The following GORAB variants were observed in gnomAD, a reference collection of about 807,000 sequenced individuals.
The protein encoded by GORAB is golgin, RAB6 interacting, also known as RAB6-interacting golgin.
Under a neutral mutation model 29.9 loss-of-function variants are expected in GORAB, and 17 were observed. That is an observed-to-expected ratio of 0.57 (90% CI 0.39 to 0.85). The LOEUF (loss-of-function observed/expected upper bound fraction) is 0.85. Among genes scored for constraint, GORAB ranks in the 40% least tolerant of loss-of-function variants. The probability of loss-of-function intolerance (pLI) is 0.00; values close to 1 mark genes in which losing one functional copy is unlikely to be tolerated. For synonymous variants in GORAB, 183 were observed against 157.2 expected (o/e 1.16, Z -1.23); for missense variants, 442 against 437.8 (o/e 1.01, Z -0.09).
intron 4 of GORAB, among the ~76,000 whole-genome samples, chr1:170,546,818 C>T (rs527827862): frequency 6.6e-6 from 1 of 151,930 alleles, no homozygotes; most frequent in South Asian, 2.1e-4. Flanking sequence ...CTGAGTAGCC[C>T]AACTATAGGT....
chr1:170,544,583 TCTAA>T (rs1161131134), intron 3 of GORAB, 118 bp from the exon 4 acceptor site: 2 of 692,266 alleles, frequency 2.9e-6, no homozygotes, highest in African/African-American at 1.8e-5. Context: ...CTGATTTTTT[TCTAA>T]CTTTTAAAAT....
At chr1:170,551,245 A>G (rs1340136948) in intron 4 of GORAB, among the ~76,000 whole-genome samples, 1 of 152,220 alleles carries the variant, frequency 6.6e-6, no homozygotes, top group Non-Finnish European at 1.5e-5. Flanking sequence ...GATGCTGTTT[A>G]GCATCTTGCA....
chr1:170,533,473 G>T (rs1373190919), intron 1 of GORAB: 2 of 426,136 alleles, frequency 4.7e-6, no homozygotes, highest in Non-Finnish European at 9.8e-6. Context: ...GGGTACAAGT[G>T]CCCTGGCCTC....
In GORAB at chr1:170,539,407, A is replaced by G. The variant is rs770637285; in HGVS notation, c.259A>G (p.Ser87Gly). 5 of 1,614,120 alleles carry G rather than the reference A, an allele frequency of 3.1e-6. No homozygotes were observed. Among genetic ancestry groups the G allele is most frequent in the Admixed American group, 1.7e-5 (1 of 60,014 alleles). The part of the protein sequence containing the change: ...KPPFSSPTLP[S>G]HFTLTSPVGD... The stretch of plus-strand genomic sequence containing the variant: ...ACCTTTTTCTTCCCCTACTCTTCCG[A>G]GTCATTTCACTCTCACCTCCCCCGT... Residue 87 changes from serine (S) to glycine (G), a missense_variant, in exon 2 of 5, where the codon AGT becomes GGT. Coordinates refer to ENST00000367763, the MANE Select transcript of GORAB (RefSeq NM_152281.3).
intron 1 of GORAB, 161 bp downstream of exon 1, chr1:170,532,445 T>TA (rs1648750173): frequency 1.3e-6 from 1 of 762,106 alleles, no homozygotes; most frequent in African/African-American, 1.7e-5. Flanking sequence ...GAGGAGGACT[T>TA]ACTGGGAGTC....
intron 1 of GORAB, among the ~76,000 whole-genome samples, chr1:170,536,988 A>G (rs1649102680): frequency 6.6e-6 from 1 of 152,176 alleles, no homozygotes; most frequent in Non-Finnish European, 1.5e-5. Flanking sequence ...ATATATCACA[A>G]ACTGGTAGCC....
intron 4 of GORAB, among the ~76,000 whole-genome samples, chr1:170,550,710 T>G (rs1471094155): frequency 6.6e-6 from 1 of 152,218 alleles, no homozygotes; most frequent in Non-Finnish European, 1.5e-5. Flanking sequence ...GCTATAACTC[T>G]TGTACTAGAA....
chr1:170,546,975 A>T (rs1649803458), intron 4 of GORAB, among the ~76,000 whole-genome samples: 1 of 152,116 alleles, frequency 6.6e-6, no homozygotes, highest in Admixed American at 6.6e-5. Flanking sequence ...GTGAGCCACC[A>T]CGCCTGGCCA....
At position 170,553,320 on chromosome 1, in the gene GORAB, C is replaced by T. The variant is rs1349524262; in HGVS notation, c.*858C>T. The T allele has an allele frequency of 6.6e-6, 3 of 452,528 alleles. No homozygotes were observed. In the Admixed American group the frequency reaches 7.1e-5, roughly 11 times the overall value. 28.0% of individuals were successfully genotyped at this position (452,528 alleles called of 1,614,324 possible). On this transcript the variant is annotated 3_prime_UTR_variant, in exon 5 of 5. Coordinates refer to ENST00000367763, the MANE Select transcript of GORAB (RefSeq NM_152281.3). ...ATATGTTGGACATGAATTACCCTGT[C>T]ATGAAGCGTTTAAATTGTTAAAATG...
chr1:170,548,879 A>G (rs892072492), intron 4 of GORAB, among the ~76,000 whole-genome samples: 1 of 152,204 alleles, frequency 6.6e-6, no homozygotes, highest in African/African-American at 2.4e-5. Context: ...CCTCTCTGGT[A>G]ATTGCAAAAT....
At chr1:170,540,892 C>G (rs1019242021) in intron 2 of GORAB, among the ~76,000 whole-genome samples, 5 of 152,078 alleles carry the variant, frequency 3.3e-5, no homozygotes, top group Non-Finnish European at 7.4e-5. Flanking sequence ...AGCCAGAGAA[C>G]AGTAGAGAAT....
intron 1 of GORAB, among the ~76,000 whole-genome samples, chr1:170,536,957 C>T (rs982283078): frequency 2.0e-5 from 3 of 152,108 alleles, no homozygotes; most frequent in Non-Finnish European, 4.4e-5. Flanking sequence ...GGGAGCAGGG[C>T]TTAAATAAAG....
At chr1:170,532,692 G>A in intron 1 of GORAB, 1 of 193,848 alleles carries the variant, frequency 5.2e-6, no homozygotes, top group Non-Finnish European at 1.1e-5. Flanking sequence ...TGAATTTATA[G>A]AAGCAGATGG....
intron 4 of GORAB, among the ~76,000 whole-genome samples, chr1:170,546,103 A>G (rs1018868576): frequency 6.6e-6 from 1 of 152,142 alleles, no homozygotes; most frequent in Admixed American, 6.6e-5. Flanking sequence ...CTCAGTTGAA[A>G]TTTGAGGCCG....
chr1:170,533,848 C>A (rs975536048), intron 1 of GORAB, among the ~76,000 whole-genome samples: 1 of 152,074 alleles, frequency 6.6e-6, no homozygotes, highest in African/African-American at 2.4e-5. Flanking sequence ...TCCTTGTATA[C>A]CCGTAGCTAA....
At chr1:170,534,640 T>C (rs1024419462) in intron 1 of GORAB, among the ~76,000 whole-genome samples, 3 of 152,202 alleles carry the variant, frequency 2.0e-5, no homozygotes, top group Non-Finnish European at 4.4e-5. Flanking sequence ...GATACACAAA[T>C]ACCGTTGTTA....
In GORAB at chr1:170,539,355, A is replaced by G; in HGVS notation, c.207A>G (p.Pro69=). ...SLLPEQLLSA[P]KQRVNVQKPP... is the part of the protein sequence containing the mutation. ...TTCCAGAGCAGCTGCTTTCAGCACC[A>G]AAACAGAGAGTTAACGTTCAAAAAC... is the stretch of plus-strand genomic sequence containing the variant. Residue 69 remains proline (P), a synonymous_variant, in exon 2 of 5, where the codon CCA becomes CCG. Transcript: ENST00000367763. 2 of 1,614,174 alleles carry G rather than the reference A, an allele frequency of 1.2e-6. No individual in the cohort carries two copies. Among genetic ancestry groups the G allele is most frequent in the Non-Finnish European group, 1.7e-6 (2 of 1,180,010 alleles).
Position 170,544,693 on chromosome 1 carries a change from C to A in GORAB, c.522-12C>A. On this transcript the variant is annotated splice_polypyrimidine_tract_variant and intron_variant, in intron 3 of 4. Coordinates refer to ENST00000367763, the MANE Select transcript of GORAB (RefSeq NM_152281.3). ...TGTTCTTATTTTCCCACTCACATAC[C>A]TGATTTTCTAGATCCAAAAGAACTC... The A allele has an allele frequency of 6.2e-7, 1 of 1,613,134 alleles. No homozygotes were observed. Among genetic ancestry groups the A allele is most frequent in the South Asian group, 1.1e-5 (1 of 91,060 alleles).
At chr1:170,549,377 A>G (rs1163313167) in intron 4 of GORAB, among the ~76,000 whole-genome samples, 10 of 152,254 alleles carry the variant, frequency 6.6e-5, no homozygotes, top group Non-Finnish European at 1.3e-4. Flanking sequence ...TCTGGCCAGA[A>G]GGACTTTAAA....
Sources: allele counts gnomAD v4.1 joint callset (sites outside exome capture counted in the v4.1 genomes callset), GRCh38; gene constraint gnomAD v4.1.1; transcripts MANE v1.5; gene names NCBI Gene and HGNC (gene_info 2026-07-23, HGNC 2026-07-21).